Variants in GNA14 observed in about 807,000 individuals in gnomAD.
The protein encoded by GNA14 is G protein subunit alpha 14, also known as guanine nucleotide-binding protein subunit alpha-14.
GNA14 carries 50 observed loss-of-function variants against 42.0 expected under a neutral mutation model. That is an observed-to-expected ratio of 1.19 (90% CI 0.95 to 1.51). The LOEUF (loss-of-function observed/expected upper bound fraction) is 1.51, where lower values mean the gene tolerates loss of function less well. GNA14 is among the 40% of genes most tolerant of loss of function. The pLI, the probability that GNA14 is intolerant of heterozygous loss-of-function variation, is 0.00. For missense variants in GNA14, 473 were observed against 446.2 expected (o/e 1.06, Z -0.54); for synonymous variants, 173 against 163.1 (o/e 1.06, Z -0.46).
chr9:77,530,999 T>C (rs1837519688), intron 1 of GNA14, among the ~76,000 whole-genome samples: 1 of 152,192 alleles, frequency 6.6e-6, no homozygotes, highest in African/African-American at 2.4e-5. Context: ...TCACATATCC[T>C]AGAAAGGATT....
rs1375961589 is a variant in GNA14, at chr9:77,647,952, G to A, written c.-159C>T. 4 of 789,096 alleles carry A rather than the reference G, an allele frequency of 5.1e-6. No individual in the cohort carries two copies. The highest frequency in any genetic ancestry group is 7.8e-6 in the Non-Finnish European group (4 of 510,684). The allele number at this position is 789,096 out of a possible 1,614,324, so 48.9% of individuals were successfully genotyped here. On this transcript the variant is annotated 5_prime_UTR_variant, in exon 1 of 7. Coordinates refer to ENST00000341700, the MANE Select transcript of GNA14 (RefSeq NM_004297.4). ...GGAGTAAGACGCCTGGACCTCCGAG[G>A]CTCAATCCCCCTTCGAAAGTCGGCT...
chr9:77,504,454 A>G (rs944168838), intron 2 of GNA14, among the ~76,000 whole-genome samples: 18 of 151,988 alleles, frequency 1.2e-4, no homozygotes, highest in Non-Finnish European at 2.4e-4. Context: ...AAAAGCTCCT[A>G]GAAGACTCAT....
At chr9:77,558,435 A>G (rs1353170980) in intron 1 of GNA14, among the ~76,000 whole-genome samples, 3 of 152,154 alleles carry the variant, frequency 2.0e-5, no homozygotes, top group Admixed American at 1.3e-4. Context: ...ATATACATAC[A>G]TTTTTGAAAA....
intron 1 of GNA14, among the ~76,000 whole-genome samples, chr9:77,579,723 T>C (rs1484500330): frequency 1.3e-5 from 2 of 152,202 alleles, no homozygotes; most frequent in Non-Finnish European, 2.9e-5. Flanking sequence ...TCGTTTCCCT[T>C]AGGTCTGCTG....
At chr9:77,590,024 C>CT (rs1182713090) in intron 1 of GNA14, among the ~76,000 whole-genome samples, 6 of 152,044 alleles carry the variant, frequency 3.9e-5, no homozygotes, top group African/African-American at 1.4e-4. Flanking sequence ...TCAAGTGATT[C>CT]TCCTGCCTCA....
At chr9:77,463,617 C>T (rs776764636) in intron 2 of GNA14, among the ~76,000 whole-genome samples, 57 of 152,194 alleles carry the variant, frequency 3.7e-4, no homozygotes, top group African/African-American at 1.3e-3. Flanking sequence ...TTTGTTTCTT[C>T]AGCAAAGAAC....
At chr9:77,534,045 T>C (rs1234214672) in intron 1 of GNA14, among the ~76,000 whole-genome samples, 2 of 152,224 alleles carry the variant, frequency 1.3e-5, no homozygotes, top group African/African-American at 4.8e-5. Context: ...TATTTAGCTT[T>C]ATTATTTCAA....
chr9:77,434,266 C>T, intron 3 of GNA14, 102 bp downstream of exon 3: 1 of 1,078,368 alleles, frequency 9.3e-7, no homozygotes, highest in Non-Finnish European at 1.4e-6. Flanking sequence ...AGCGCTGCCA[C>T]TGTGCACCGC....
At chr9:77,480,503 T>C (rs1007852579) in intron 2 of GNA14, among the ~76,000 whole-genome samples, 2 of 152,174 alleles carry the variant, frequency 1.3e-5, no homozygotes, top group African/African-American at 4.8e-5. Context: ...GATATTCATC[T>C]AAAATTCTTT....
At chr9:77,491,137 A>C (rs1836767137) in intron 2 of GNA14, among the ~76,000 whole-genome samples, 1 of 152,274 alleles carries the variant, frequency 6.6e-6, no homozygotes. Flanking sequence ...CTATCTTTTA[A>C]ATATGAAAGA....
chr9:77,459,141 C>A (rs1297122691), intron 2 of GNA14, among the ~76,000 whole-genome samples: 1 of 152,056 alleles, frequency 6.6e-6, no homozygotes, highest in Non-Finnish European at 1.5e-5. Context: ...GAGGCTGAGG[C>A]ACAAGAGTCA....
At chr9:77,638,895 A>G (rs949132788) in intron 1 of GNA14, among the ~76,000 whole-genome samples, 2 of 152,204 alleles carry the variant, frequency 1.3e-5, no homozygotes, top group Admixed American at 6.5e-5. Flanking sequence ...TTCCTGGGAT[A>G]ATAGGATACA....
At chr9:77,499,747 G>A (rs1836935124) in intron 2 of GNA14, among the ~76,000 whole-genome samples, 1 of 152,124 alleles carries the variant, frequency 6.6e-6, no homozygotes, top group South Asian at 2.1e-4. Context: ...CTACTCAGGA[G>A]GCTGAGGCAG....
intron 1 of GNA14, among the ~76,000 whole-genome samples, chr9:77,571,031 ATTATT>A: frequency 6.6e-6 from 1 of 152,276 alleles, no homozygotes; most frequent in South Asian, 2.1e-4. Flanking sequence ...TGATAGAGGT[ATTATT>A]TTATAGATGA....
intron 2 of GNA14, among the ~76,000 whole-genome samples, chr9:77,447,194 T>G (rs530001766): frequency 1.3e-5 from 2 of 152,262 alleles, no homozygotes; most frequent in South Asian, 4.1e-4. Context: ...ATCGCTGACC[T>G]CGTCCTCTCA....
intron 1 of GNA14, among the ~76,000 whole-genome samples, chr9:77,609,464 A>G (rs1278728140): frequency 6.6e-6 from 1 of 152,180 alleles, no homozygotes; most frequent in Non-Finnish European, 1.5e-5. Context: ...CACACACCTC[A>G]AAACTCTTCC....
chr9:77,624,397 C>A (rs908131084), intron 1 of GNA14, among the ~76,000 whole-genome samples: 1 of 152,194 alleles, frequency 6.6e-6, no homozygotes, highest in Non-Finnish European at 1.5e-5. Flanking sequence ...CAGCAGATCT[C>A]CCAGCACAAT....
At chr9:77,493,026 A>AAAAAAAT (rs1554691641) in intron 2 of GNA14, among the ~76,000 whole-genome samples, 7 of 51,708 alleles carry the variant, frequency 1.4e-4, no homozygotes, top group African/African-American at 6.8e-4. Flanking sequence ...AAAAAAAAAA[A>AAAAAAAT]ATATATATAT....
chr9:77,490,764 CCT>C (rs1836758447), intron 2 of GNA14, among the ~76,000 whole-genome samples: 1 of 152,238 alleles, frequency 6.6e-6, no homozygotes, highest in South Asian at 2.1e-4. Context: ...CACGCCTCTC[CCT>C]CCACACCTCC....
Sources: gnomAD v4.1 joint callset for allele counts (sites outside exome capture counted in the v4.1 genomes callset) on GRCh38, gnomAD v4.1.1 for gene constraint, MANE v1.5 for transcripts, NCBI Gene and HGNC (gene_info 2026-07-23, HGNC 2026-07-21) for gene names.